Variants in ABCC2 observed in about 807,000 individuals in gnomAD.
The protein encoded by ABCC2 is ATP-binding cassette sub-family C member 2.
In ABCC2, 157 loss-of-function variants were observed where a neutral mutation model predicts 173.4. The observed-to-expected ratio is 0.91, with a 90% CI of 0.80 to 1.03. ABCC2 has a LOEUF of 1.03. Among genes scored for constraint, ABCC2 ranks in the 50% least tolerant of loss-of-function variants. ABCC2 has a pLI of 0.00. For synonymous variants in ABCC2, 657 were observed against 693.5 expected (o/e 0.95, Z 0.83); for missense variants, 1,822 against 1,852.3 (o/e 0.98, Z 0.30).
intron 14 of ABCC2, among the ~76,000 whole-genome samples, chr10:99,810,492 C>T (rs1296512226): frequency 6.6e-6 from 1 of 152,152 alleles, no homozygotes; most frequent in Non-Finnish European, 1.5e-5. Context: ...AGGATAGAGC[C>T]AAGTGTGTGG....
At chr10:99,841,082 A>G (rs905654073) in intron 25 of ABCC2, among the ~76,000 whole-genome samples, 1 of 152,158 alleles carries the variant, frequency 6.6e-6, no homozygotes, top group Non-Finnish European at 1.5e-5. Flanking sequence ...CCTGTGGCCA[A>G]CTTGCACCTA....
intron 2 of ABCC2, among the ~76,000 whole-genome samples, chr10:99,785,308 AAGCACGAGT>A (rs1227788091): frequency 7.9e-5 from 12 of 152,172 alleles, no homozygotes. Flanking sequence ...GCACAGTGAC[AAGCACGAGT>A]AGGGAAATAA....
chr10:99,836,639 A>G (rs796889826), intron 25 of ABCC2, among the ~76,000 whole-genome samples: 35 of 152,350 alleles, frequency 2.3e-4, no homozygotes, highest in Admixed American at 6.5e-4. Context: ...CCAGTACCAA[A>G]TAAGTGCTGG....
rs767825973 is a variant in ABCC2 at position 99,782,830 on chromosome 10, C to T, written c.-15C>T. The T allele has an allele frequency of 2.5e-5, 40 of 1,613,692 alleles. No homozygotes were observed. Among genetic ancestry groups the T allele is most frequent in the Middle Eastern group, 1.7e-4 (1 of 6,060 alleles). On this transcript the variant is annotated 5_prime_UTR_variant, in exon 1 of 32. In the 5' UTR this introduces an upstream ATG that the reference lacks. Transcript: ENST00000647814. ...TTAATAGAAGAGTCTTCGTTCCAGACGCAGTCCAGGAATCATGCTGGAGAA... is the reference window on the plus strand; with the variant it reads ...TTAATAGAAGAGTCTTCGTTCCAGATGCAGTCCAGGAATCATGCTGGAGAA...
intron 30 of ABCC2, among the ~76,000 whole-genome samples, chr10:99,848,847 C>T (rs920270651): frequency 2.0e-5 from 3 of 152,198 alleles, no homozygotes. Flanking sequence ...TACTTTCCCT[C>T]CACAACAGAT....
At chr10:99,788,045 C>T (rs575574668) in intron 2 of ABCC2, among the ~76,000 whole-genome samples, 27 of 147,784 alleles carry the variant, frequency 1.8e-4, no homozygotes, top group South Asian at 4.4e-4. Flanking sequence ...TCAGCCTGGG[C>T]GACAGAGGTA....
chr10:99,827,371 A>G (rs1245732129), intron 19 of ABCC2, among the ~76,000 whole-genome samples: 1 of 152,170 alleles, frequency 6.6e-6, no homozygotes, highest in Non-Finnish European at 1.5e-5. Flanking sequence ...AATTGATTAT[A>G]GTCAACATTT....
At chr10:99,814,129 G>A (rs552226180) in intron 16 of ABCC2, among the ~76,000 whole-genome samples, 1,500 of 112,428 alleles carry the variant, frequency 0.013, 358 homozygotes, top group African/African-American at 0.052. Flanking sequence ...ACACACATAT[G>A]TGTGTATATA....
chr10:99,845,814 G>A (rs1272821671), intron 29 of ABCC2, 32 bp downstream of exon 29: 2 of 1,589,916 alleles, frequency 1.3e-6, no homozygotes, highest in Non-Finnish European at 1.7e-6. Flanking sequence ...GGCACATGCC[G>A]TGGGGAGCAG....
chr10:99,795,767 G>GAAA (rs1564672369), intron 6 of ABCC2, among the ~76,000 whole-genome samples: 4 of 148,726 alleles, frequency 2.7e-5, no homozygotes, highest in African/African-American at 1.0e-4. Context: ...AAGAAAGAAA[G>GAAA]AAAGAAAGAA....
Position 99,847,019 on chromosome 10 carries a change from C to G in ABCC2, c.4205C>G (p.Ser1402Ter). 6.2e-7 allele frequency: 1 copy of G among 1,614,198 alleles called. No homozygotes were observed. Among genetic ancestry groups the G allele is most frequent in the Non-Finnish European group, 8.5e-7 (1 of 1,180,042 alleles). The part of the protein sequence containing the change: ...RMNLDPFNNY[S>*]DEEIWKALEL... ...AATCTCGACCCTTTCAACAACTACT[C>G]AGATGAGGAGATTTGGAAGGCCTTG... is the stretch of plus-strand genomic sequence containing the variant. Residue 1402 changes from serine (S) to a stop codon, truncating the protein, a stop_gained, in exon 30 of 32, where the codon TCA becomes TGA. Coordinates refer to ENST00000647814, the MANE Select transcript of ABCC2 (RefSeq NM_000392.5). LOFTEE classifies it high-confidence loss of function.
rs1258882919 is a variant in ABCC2 at position 99,787,833 on chromosome 10, T to C, written c.207+3052T>C. On this transcript the variant is annotated intron_variant, in intron 2 of 31. Coordinates refer to ENST00000647814, the MANE Select transcript of ABCC2 (RefSeq NM_000392.5). ...ATCCCAACACTTTGGGAAGCTGAAG[T>C]GGGAGAATTGCTTGAGCCCAGCATT... is the stretch of plus-strand genomic sequence containing the variant. Among the ~76,000 whole-genome samples the C allele has an allele frequency of 2.6e-5, 4 of 151,952 alleles. No homozygotes were observed. In the East Asian group the frequency reaches 7.7e-4, roughly 29 times the overall value.
At chr10:99,818,451 T>A (rs2038461312) in intron 17 of ABCC2, among the ~76,000 whole-genome samples, 1 of 152,084 alleles carries the variant, frequency 6.6e-6, no homozygotes, top group African/African-American at 2.4e-5. Context: ...CATACGCTTA[T>A]TGAGCACCTA....
Position 99,782,707 on chromosome 10 carries a change from G to T in ABCC2, c.-138G>T, listed in dbSNP as rs1590132188. On this transcript the variant is annotated 5_prime_UTR_variant, in exon 1 of 32. Coordinates refer to ENST00000647814, the MANE Select transcript of ABCC2 (RefSeq NM_000392.5). Reference sequence around the variant, plus strand: ...GCAAGGTTAACGATTAAATGGTTGGGATGAAAGGTCATCCTTTACGGAGAA... The same window carrying T: ...GCAAGGTTAACGATTAAATGGTTGGTATGAAAGGTCATCCTTTACGGAGAA... The T allele has an allele frequency of 7.9e-5, 79 of 997,386 alleles. No homozygotes were observed. In the East Asian group the frequency reaches 2.0e-3, roughly 25 times the overall value. The allele number at this position is 997,386 out of a possible 1,614,324, so 61.8% of individuals were successfully genotyped here. A position where few individuals can be genotyped will look rare whatever the true frequency, so the allele number is the denominator to read the frequency against.
In ABCC2 at chr10:99,807,492, A is replaced by G; in HGVS notation, c.1639A>G (p.Ile547Val). ...LAFSQLQCVV[I>V]FVFQLTPVLV... Reference sequence around the variant, plus strand: ...CTTTAGTCAACTACAGTGTGTAGTAATATTCGTCTTCCAGTTAACTCCAGT... The same window carrying G: ...CTTTAGTCAACTACAGTGTGTAGTAGTATTCGTCTTCCAGTTAACTCCAGT... Residue 547 changes from isoleucine (I) to valine (V), a missense_variant, in exon 12 of 32, where the codon ATA becomes GTA. Coordinates refer to ENST00000647814, the MANE Select transcript of ABCC2 (RefSeq NM_000392.5). The G allele has an allele frequency of 6.2e-7, 1 of 1,614,158 alleles. No homozygotes were observed. The highest frequency in any genetic ancestry group is 8.5e-7 in the Non-Finnish European group (1 of 1,179,990).
intron 8 of ABCC2, 140 bp downstream of exon 8, chr10:99,799,510 A>G (rs1315695212): frequency 9.7e-7 from 1 of 1,033,254 alleles, no homozygotes; most frequent in African/African-American, 1.6e-5. Context: ...TTAACCTTAC[A>G]GCATTGTGTT....
At chr10:99,847,217 A>G in intron 30 of ABCC2, 90 bp downstream of exon 30, 1 of 1,453,202 alleles carries the variant, frequency 6.9e-7, no homozygotes, top group Non-Finnish European at 9.6e-7. Flanking sequence ...GATGCCTGGC[A>G]TAGAATTTTC....
intron 19 of ABCC2, among the ~76,000 whole-genome samples, chr10:99,827,155 G>A (rs368417794): frequency 0.024 from 2,790 of 115,576 alleles, no homozygotes; most frequent in Admixed American, 0.048. Context: ...GGGGGTGGCC[G>A]ATACTGAAGT....
rs886046618 is a variant in ABCC2, at chr10:99,800,578, G to A, written c.1209+15G>A. The A allele has an allele frequency of 6.2e-7, 1 of 1,613,922 alleles. No homozygotes were observed. Among genetic ancestry groups the A allele is most frequent in the Admixed American group, 1.7e-5 (1 of 60,014 alleles). The stretch of plus-strand genomic sequence containing the variant: ...TATATAAGAAGGTAAGCAGAATACG[G>A]CAGGTATCACCAAAGAAAATCCCCT... On this transcript the variant is annotated intron_variant, in intron 9 of 31. Coordinates refer to ENST00000647814, the MANE Select transcript of ABCC2 (RefSeq NM_000392.5).
Sources: allele counts gnomAD v4.1 joint callset (sites outside exome capture counted in the v4.1 genomes callset), GRCh38; gene constraint gnomAD v4.1.1; transcripts MANE v1.5; gene names NCBI Gene and HGNC (gene_info 2026-07-23, HGNC 2026-07-21).